Variants in HSPG2 observed in about 807,000 individuals in gnomAD.
HSPG2 encodes heparan sulfate proteoglycan 2.
A neutral mutation model predicts 526.6 loss-of-function variants in HSPG2; 278 were observed. That is an observed-to-expected ratio of 0.53 (90% CI 0.48 to 0.58). The LOEUF is 0.58. HSPG2 is among the 20% of genes least tolerant of loss of function. HSPG2 has a pLI of 0.00. For synonymous variants in HSPG2, 2,465 were observed against 2,555.4 expected, an observed-to-expected ratio of 0.96 and a Z score of 1.07; for missense variants, 5,354 against 6,099.5, an observed-to-expected ratio of 0.88 and a Z score of 4.07.
rs750677200 is a variant in HSPG2 at position 21,828,214 on chromosome 1, C to G, written c.12409+41G>C. 1.9e-6 allele frequency: 3 copies of G among 1,613,080 alleles called. No homozygotes were observed. The highest frequency in any genetic ancestry group is 2.5e-6 in the Non-Finnish European group (3 of 1,179,906). ...ATGGGCTGGAGGTGTCGCTGACCAC[C>G]TGTGCCCCTCCCCTCCGGTGCCCTG... On this transcript the variant is annotated intron_variant, in intron 89 of 96. Transcript: ENST00000374695. The surrounding 1 kb of genome is among the most constrained non-coding windows in gnomAD (Gnocchi z 6.0).
At chr1:21,889,810 C>T in intron 6 of HSPG2, 171 bp downstream of exon 6, 1 of 705,148 alleles carries the variant, frequency 1.4e-6, no homozygotes. Context: ...AGGAAACAGT[C>T]TGTGCTCTAC....
intron 1 of HSPG2, chr1:21,908,595 A>G: frequency 1.5e-6 from 1 of 673,416 alleles, no homozygotes; most frequent in Non-Finnish European, 2.7e-6. Flanking sequence ...TATTTAAAAA[A>G]AAAAAAAGAC....
intron 1 of HSPG2, among the ~76,000 whole-genome samples, chr1:21,910,175 C>T (rs1362568513): frequency 6.6e-6 from 1 of 152,262 alleles, no homozygotes; most frequent in African/African-American, 2.4e-5. Context: ...CAGCTGCAGA[C>T]CAACACAATG....
intron 1 of HSPG2, among the ~76,000 whole-genome samples, chr1:21,926,047 C>T (rs965077266): frequency 6.6e-6 from 1 of 152,054 alleles, no homozygotes. Context: ...CCAGGCTGCT[C>T]TCGAACTCCT....
At chr1:21,878,936 C>T in intron 18 of HSPG2, 58 bp downstream of exon 18, 1 of 1,584,316 alleles carries the variant, frequency 6.3e-7, no homozygotes, top group Non-Finnish European at 8.6e-7. Context: ...CCAGAATATT[C>T]TCTGGCCTGT....
Position 21,880,241 on chromosome 1 carries a change from A to G in HSPG2, c.2209T>C (p.Tyr737His). 1 of 1,614,226 alleles carries G rather than the reference A, an allele frequency of 6.2e-7. No individual in the cohort carries two copies. Among genetic ancestry groups the G allele is most frequent in the Non-Finnish European group, 8.5e-7 (1 of 1,180,048 alleles). Residue 737 changes from tyrosine (Y) to histidine (H), a missense_variant, in exon 17 of 97, where the codon TAT becomes CAT. Tyr to His is a moderately conservative substitution (Grantham distance 83). Transcript: ENST00000374695. ...CAGCTCTCGCAGGACAAGCCAGAAT[A>G]GCCAATGGGGCATCTGTGGGGACAG... ...SVEECRCPIG[Y>H]SGLSCESCDA...
chr1:21,916,609 G>T (rs1002443035), intron 1 of HSPG2, among the ~76,000 whole-genome samples: 1 of 150,366 alleles, frequency 6.7e-6, no homozygotes, highest in African/African-American at 2.4e-5. Context: ...GGAGAATTGC[G>T]TGAACCCAGG....
intron 1 of HSPG2, among the ~76,000 whole-genome samples, chr1:21,927,274 G>A (rs1644224101): frequency 6.6e-6 from 1 of 152,152 alleles, no homozygotes; most frequent in Non-Finnish European, 1.5e-5. Flanking sequence ...ATGGGGAGGG[G>A]GGACACATCT....
chr1:21,865,872 G>C lies in HSPG2; in HGVS notation c.4222-63C>G. The C allele has an allele frequency of 7.9e-7, 1 of 1,269,096 alleles. No individual in the cohort carries two copies. Among genetic ancestry groups the C allele is most frequent in the Non-Finnish European group, 1.2e-6 (1 of 869,056 alleles). 78.6% of individuals were successfully genotyped at this position (1,269,096 alleles called of 1,614,324 possible). A position where few individuals can be genotyped will look rare whatever the true frequency, so the allele number is the denominator to read the frequency against. ...TGGGGTGTGAGTGTTGGACCATATAGGTGAGGGATGGAGCATCTGGCGGCC... is the reference window on the plus strand; with the variant it reads ...TGGGGTGTGAGTGTTGGACCATATACGTGAGGGATGGAGCATCTGGCGGCC... On this transcript the variant is annotated intron_variant, in intron 33 of 96. Coordinates refer to ENST00000374695, the MANE Select transcript of HSPG2 (RefSeq NM_005529.7). This position sits in a 1 kb window ranked among gnomAD's most constrained non-coding sequence, Gnocchi z 5.4.
Position 21,919,156 on chromosome 1 carries a change from T to C in HSPG2, c.63+17999A>G, listed in dbSNP as rs140006906. The stretch of plus-strand genomic sequence containing the variant: ...TAAGTCTCAAAGGGGCTGGGCGCAG[T>C]GGCTCAGGCCTGTAATCCCAGCACT... On this transcript the variant is annotated intron_variant, in intron 1 of 96. Coordinates refer to ENST00000374695, the MANE Select transcript of HSPG2 (RefSeq NM_005529.7). Among the ~76,000 whole-genome samples the C allele has an allele frequency of 1.7e-3, 264 of 152,374 alleles. 3 individuals carry two copies. The highest frequency in any genetic ancestry group is 0.014 in the Admixed American group (213 of 15,306).
At chr1:21,882,789 G>T (rs948534459) in intron 13 of HSPG2, among the ~76,000 whole-genome samples, 1 of 152,030 alleles carries the variant, frequency 6.6e-6, no homozygotes, top group Non-Finnish European at 1.5e-5. Context: ...CCCGGCTCTG[G>T]ACAACTTTGA....
intron 1 of HSPG2, among the ~76,000 whole-genome samples, chr1:21,896,562 C>T (rs1475301558): frequency 1.3e-5 from 2 of 152,164 alleles, no homozygotes; most frequent in Admixed American, 6.5e-5. Flanking sequence ...ATAAAGCAGA[C>T]AATAAAATGT....
At chr1:21,935,112 G>A (rs78884390) in intron 1 of HSPG2, among the ~76,000 whole-genome samples, 9 of 151,284 alleles carry the variant, frequency 5.9e-5, no homozygotes, top group Middle Eastern at 3.4e-3. Context: ...TCACTATGTT[G>A]GCCAGGCTGG....
intron 1 of HSPG2, among the ~76,000 whole-genome samples, chr1:21,905,852 A>T (rs1360394445): frequency 2.6e-5 from 4 of 152,170 alleles, no homozygotes; most frequent in African/African-American, 4.8e-5. Context: ...CTCTACAAAA[A>T]AATTAAAAAT....
At chr1:21,856,899 C>T in intron 44 of HSPG2, 116 bp downstream of exon 44, 2 of 1,118,496 alleles carry the variant, frequency 1.8e-6, no homozygotes, top group Non-Finnish European at 2.7e-6. Flanking sequence ...TAGACCAGGA[C>T]CAGGCATGCA....
At chr1:21,884,090 G>T (rs1641695709) in intron 13 of HSPG2, among the ~76,000 whole-genome samples, 1 of 152,202 alleles carries the variant, frequency 6.6e-6, no homozygotes, top group South Asian at 2.1e-4. Context: ...ATACCTCCTG[G>T]GTGCTGAAAA....
chr1:21,859,019 C>T lies in HSPG2; in HGVS notation c.5293+547G>A, dbSNP rs1639560886. Among the ~76,000 whole-genome samples, 1 of 152,068 alleles carries T rather than the reference C, an allele frequency of 6.6e-6. No homozygotes were observed. The highest frequency in any genetic ancestry group is 2.4e-5 in the African/African-American group (1 of 41,402). ...CATCCCTGTCTCACTTTTCCCTGGA[C>T]GACAGGGCAGGGTGACTCTGAGGTG... On this transcript the variant is annotated intron_variant, in intron 42 of 96. Coordinates refer to ENST00000374695, the MANE Select transcript of HSPG2 (RefSeq NM_005529.7). The surrounding 1 kb of genome is among the most constrained non-coding windows in gnomAD (Gnocchi z 5.3).
Position 21,839,703 on chromosome 1 carries a change from C to T in HSPG2, c.9709+119G>A, listed in dbSNP as rs35570238. 113,956 of 1,372,130 alleles carry T rather than the reference C, an allele frequency of 0.083. 5,457 individuals carry two copies. Among genetic ancestry groups the T allele is most frequent in the African/African-American group, 0.17 (11,552 of 69,852 alleles). 85.0% of individuals were successfully genotyped at this position (1,372,130 alleles called of 1,614,324 possible). ...CCATCACTGGGGGATGCTAGCAACA[C>T]GGTCTCCCCGTACTCCCCACCCCTG... On this transcript the variant is annotated intron_variant, in intron 72 of 96. Coordinates refer to ENST00000374695, the MANE Select transcript of HSPG2 (RefSeq NM_005529.7). The surrounding 1 kb of genome is among the most constrained non-coding windows in gnomAD (Gnocchi z 4.5).
At chr1:21,831,133 C>G (rs1397853123) in intron 84 of HSPG2, 43 bp from the exon 85 acceptor site, 2 of 1,600,170 alleles carry the variant, frequency 1.2e-6, no homozygotes, top group Admixed American at 1.7e-5. Context: ...ACATTCAGTA[C>G]CCCCCATAAT....
Sources: allele counts gnomAD v4.1 joint callset (sites outside exome capture counted in the v4.1 genomes callset), GRCh38; gene constraint gnomAD v4.1.1; non-coding constraint Gnocchi (gnomAD v3.1); transcripts MANE v1.5; gene names NCBI Gene and HGNC (gene_info 2026-07-23, HGNC 2026-07-21).